PCDH15: variants seen among roughly 807,000 people sequenced by gnomAD.
The protein encoded by PCDH15 is protocadherin related 15.
A neutral mutation model predicts 178.5 loss-of-function variants in PCDH15; 129 were observed. The observed-to-expected ratio is 0.72, with a 90% confidence interval of 0.63 to 0.84. The LOEUF (loss-of-function observed/expected upper bound fraction) is 0.84, where lower values mean the gene tolerates loss of function less well. Ranked by LOEUF, PCDH15 falls within the 40% of genes least tolerant of loss-of-function variation. The pLI is 0.00. For synonymous variants in PCDH15, 800 were observed against 732.0 expected (o/e 1.09, Z -1.50); for missense variants, 2,230 against 2,099.9 (o/e 1.06, Z -1.21).
chr10:55,322,921 A>T (rs1843939216), upstream of PCDH15, among the ~76,000 whole-genome samples: 1 of 152,156 alleles, frequency 6.6e-6, no homozygotes, highest in African/African-American at 2.4e-5. Flanking sequence ...CCTTCAAGGC[A>T]GCCCCTGCCA....
In PCDH15 at chr10:55,382,144, A is replaced by G. The variant is rs762320476; in HGVS notation, c.-155-215493T>C. 3.3e-5 allele frequency among the ~76,000 whole-genome samples: 5 copies of G among 152,292 alleles called. No individual in the cohort carries two copies. The South Asian group carries it at 1.0e-3, about 32-fold the overall frequency. ...GATATACAAAAAATTCCTAATTGAT[A>G]CTAGCCACAAATTCATCTGATAATT... On this transcript the variant is annotated intron_variant, in intron 2 of 5. Coordinates refer to the PCDH15 transcript ENST00000613346.
chr10:53,840,782 T>G (rs530775036), intron 28 of PCDH15, among the ~76,000 whole-genome samples: 1 of 152,194 alleles, frequency 6.6e-6, no homozygotes, highest in African/African-American at 2.4e-5. Context: ...ACATGAGAAA[T>G]GCCAAATATG....
intron 2 of PCDH15, among the ~76,000 whole-genome samples, chr10:55,051,962 A>G (rs1841172894): frequency 6.6e-6 from 1 of 152,168 alleles, no homozygotes. Context: ...ATATATACCC[A>G]TAGATAGGGT....
At chr10:54,686,765 T>C (rs1203182637) in intron 1 of PCDH15, among the ~76,000 whole-genome samples, 1 of 152,172 alleles carries the variant, frequency 6.6e-6, no homozygotes, top group Non-Finnish European at 1.5e-5. Flanking sequence ...ATATGTCTGT[T>C]GTACAAGTGG....
intron 24 of PCDH15, among the ~76,000 whole-genome samples, chr10:53,939,668 G>C: frequency 6.6e-6 from 1 of 151,674 alleles, no homozygotes; most frequent in East Asian, 1.9e-4. Flanking sequence ...ACTTCCATGA[G>C]GGCAGGAATC....
intron 1 of PCDH15, among the ~76,000 whole-genome samples, chr10:54,761,230 G>A (rs1947835733): frequency 6.6e-6 from 1 of 151,954 alleles, no homozygotes; most frequent in African/African-American, 2.4e-5. Context: ...TTTATTTCAG[G>A]CACTTCCAGT....
intron 8 of PCDH15, among the ~76,000 whole-genome samples, chr10:54,257,985 C>T (rs1009166812): frequency 1.3e-5 from 2 of 152,028 alleles, no homozygotes; most frequent in African/African-American, 4.8e-5. Context: ...GCATGATGTC[C>T]AGTCAGTATT....
intron 1 of PCDH15, among the ~76,000 whole-genome samples, chr10:55,254,439 C>T (rs1841933007): frequency 6.6e-6 from 1 of 152,094 alleles, no homozygotes; most frequent in Non-Finnish European, 1.5e-5. Context: ...AAGGCTCTAC[C>T]TGGAAACATT....
intron 2 of PCDH15, among the ~76,000 whole-genome samples, chr10:54,601,097 C>T (rs771172622): frequency 1.5e-4 from 23 of 152,066 alleles, no homozygotes; most frequent in Middle Eastern, 6.8e-3. Flanking sequence ...CTCGTTGACA[C>T]GGACAGTTTG....
chr10:54,337,636 C>T (rs1941439473), intron 6 of PCDH15, among the ~76,000 whole-genome samples: 1 of 152,096 alleles, frequency 6.6e-6, no homozygotes, highest in Admixed American at 6.6e-5. Flanking sequence ...TCCTTTTGCC[C>T]CCTATGCCAT....
At chr10:55,611,082 T>C (rs1817747080) in intron 2 of PCDH15, among the ~76,000 whole-genome samples, 1 of 152,084 alleles carries the variant, frequency 6.6e-6, no homozygotes, top group South Asian at 2.1e-4. Context: ...AAACAGCTAA[T>C]AAAAAGACAA....
intron 8 of PCDH15, among the ~76,000 whole-genome samples, chr10:54,273,674 T>A (rs1368372060): frequency 2.0e-5 from 3 of 152,094 alleles, no homozygotes; most frequent in Non-Finnish European, 4.4e-5. Context: ...AAGTATAGAC[T>A]TCAAAAGTAT....
chr10:54,926,297 C>T (rs1183308851), intron 2 of PCDH15, among the ~76,000 whole-genome samples: 2 of 152,002 alleles, frequency 1.3e-5, no homozygotes, highest in Admixed American at 6.6e-5. Context: ...AGGTTAAAGC[C>T]TACTTGATCA....
At chr10:53,939,907 G>A (rs1022589592) in intron 24 of PCDH15, among the ~76,000 whole-genome samples, 4 of 152,050 alleles carry the variant, frequency 2.6e-5, no homozygotes, top group African/African-American at 9.7e-5. Flanking sequence ...TCAGATGTTC[G>A]AAGTCCAAGG....
chr10:54,046,720 A>G (rs930094751), intron 18 of PCDH15, among the ~76,000 whole-genome samples: 6 of 152,304 alleles, frequency 3.9e-5, no homozygotes, highest in African/African-American at 1.2e-4. Context: ...TGCATTCTAT[A>G]CCTGATTTGG....
At chr10:55,267,849 G>A (rs1842340561) in intron 1 of PCDH15, among the ~76,000 whole-genome samples, 2 of 152,070 alleles carry the variant, frequency 1.3e-5, no homozygotes, top group African/African-American at 4.8e-5. Flanking sequence ...TATGAGACAG[G>A]TTCCACAGAA....
intron 29 of PCDH15, among the ~76,000 whole-genome samples, chr10:53,836,818 T>C (rs575820610): frequency 1.3e-5 from 2 of 152,244 alleles, no homozygotes; most frequent in South Asian, 4.1e-4. Context: ...AACCCAGATA[T>C]TGGAACTGTC....
chr10:54,034,490 G>A (rs2093371151), intron 18 of PCDH15, among the ~76,000 whole-genome samples: 1 of 151,986 alleles, frequency 6.6e-6, no homozygotes, highest in African/African-American at 2.4e-5. Flanking sequence ...TATTCATTTT[G>A]CTGACAACAA....
At chr10:54,296,077 G>A (rs1293803847) in intron 8 of PCDH15, among the ~76,000 whole-genome samples, 8 of 145,320 alleles carry the variant, frequency 5.5e-5, no homozygotes, top group East Asian at 4.0e-4. Context: ...CCCGGGAGGC[G>A]GAGCTTGCAG....
Sources: allele counts gnomAD v4.1 joint callset (sites outside exome capture counted in the v4.1 genomes callset), GRCh38; gene constraint gnomAD v4.1.1; transcripts MANE v1.5; gene names NCBI Gene and HGNC (gene_info 2026-07-23, HGNC 2026-07-21).